The following NOS1AP variants were observed in gnomAD, a reference collection of about 807,000 sequenced individuals.
NOS1AP encodes carboxyl-terminal PDZ ligand of neuronal nitric oxide synthase protein.
NOS1AP carries 21 observed loss-of-function variants against 56.2 expected under a neutral mutation model. That is an observed-to-expected ratio of 0.37 (90% confidence interval 0.26 to 0.54). The LOEUF (loss-of-function observed/expected upper bound fraction) is 0.54. Ranked by LOEUF, NOS1AP falls within the 20% of genes least tolerant of loss-of-function variation. The pLI is 0.84. For synonymous variants in NOS1AP, 270 were observed against 274.6 expected, an observed-to-expected ratio of 0.98 and a Z score of 0.17; for missense variants, 522 against 657.8, an observed-to-expected ratio of 0.79 and a Z score of 2.26.
intron 1 of NOS1AP, among the ~76,000 whole-genome samples, chr1:162,121,177 GT>G (rs1162624107): frequency 4.6e-5 from 4 of 86,494 alleles, no homozygotes; most frequent in Admixed American, 1.2e-4. Context: ...TTTGTTTTTT[GT>G]TTTTTTTTTG....
At chr1:162,220,344 G>C (rs1351358632) in intron 2 of NOS1AP, among the ~76,000 whole-genome samples, 1 of 152,072 alleles carries the variant, frequency 6.6e-6, no homozygotes, top group East Asian at 1.9e-4. Context: ...TGTGTGCTAT[G>C]CGTGGGTCTC....
intron 2 of NOS1AP, among the ~76,000 whole-genome samples, chr1:162,228,116 T>C (rs1653001164): frequency 6.6e-6 from 1 of 152,092 alleles, no homozygotes; most frequent in Non-Finnish European, 1.5e-5. Flanking sequence ...AGATCATGAA[T>C]TGAAGAGCAG....
chr1:162,291,512 C>A (rs1655280699), intron 3 of NOS1AP, among the ~76,000 whole-genome samples: 1 of 151,912 alleles, frequency 6.6e-6, no homozygotes, highest in African/African-American at 2.4e-5. Flanking sequence ...AGGATGAGAT[C>A]CTTTCTCAAA....
At chr1:162,290,159 G>A (rs1038672633) in intron 3 of NOS1AP, among the ~76,000 whole-genome samples, 12 of 152,058 alleles carry the variant, frequency 7.9e-5, no homozygotes, top group South Asian at 6.2e-4. Flanking sequence ...TGGCTTCATC[G>A]TCCTGCTGGC....
chr1:162,113,551 G>A (rs12407513), intron 1 of NOS1AP, among the ~76,000 whole-genome samples: 77,547 of 152,004 alleles, frequency 0.51, 21,844 homozygotes, highest in Non-Finnish European at 0.64. Context: ...GCCTTCTGGG[G>A]AGGCTTCAGG....
chr1:162,146,179 AC>A (rs5778251), intron 1 of NOS1AP, among the ~76,000 whole-genome samples: 6,249 of 152,260 alleles, frequency 0.041, 229 homozygotes, highest in African/African-American at 0.091. Context: ...CTAGCTAGTC[AC>A]TGGGGCTTTT....
chr1:162,337,371 G>T (rs556673500), intron 5 of NOS1AP, among the ~76,000 whole-genome samples: 1 of 152,320 alleles, frequency 6.6e-6, no homozygotes, highest in South Asian at 2.1e-4. Flanking sequence ...TTTAGAGGTT[G>T]CAATGGATTT....
intron 1 of NOS1AP, among the ~76,000 whole-genome samples, chr1:162,144,667 A>G (rs181188317): frequency 6.6e-6 from 1 of 152,270 alleles, no homozygotes; most frequent in Admixed American, 6.5e-5. Flanking sequence ...GGCCCAGGGT[A>G]CAGCCCGGCC....
intron 2 of NOS1AP, among the ~76,000 whole-genome samples, chr1:162,234,454 T>G (rs1436983579): frequency 6.6e-6 from 1 of 152,160 alleles, no homozygotes; most frequent in Non-Finnish European, 1.5e-5. Flanking sequence ...ATTTTTCTCT[T>G]GGATGTCTCT....
intron 1 of NOS1AP, among the ~76,000 whole-genome samples, chr1:162,090,307 A>T (rs963606609): frequency 4.6e-5 from 7 of 151,256 alleles, no homozygotes; most frequent in African/African-American, 1.7e-4. Context: ...ATCTGATCTA[A>T]TTTTTCTTTT....
At chr1:162,292,281 G>A (rs970958932) in intron 3 of NOS1AP, among the ~76,000 whole-genome samples, 10 of 152,154 alleles carry the variant, frequency 6.6e-5, no homozygotes, top group Non-Finnish European at 8.8e-5. Context: ...TAGGGGGCAG[G>A]GACCATGTCT....
chr1:162,198,522 C>T (rs907178914), intron 2 of NOS1AP, among the ~76,000 whole-genome samples: 6 of 152,160 alleles, frequency 3.9e-5, no homozygotes, highest in Non-Finnish European at 8.8e-5. Context: ...CATCTGAAAA[C>T]GATGCAGGGT....
chr1:162,365,049 G>C (rs1036301214), intron 8 of NOS1AP: 39 of 1,170,590 alleles, frequency 3.3e-5, no homozygotes, highest in Non-Finnish European at 3.2e-5. Context: ...AGCAGGGATG[G>C]AGCACCGTGC....
intron 2 of NOS1AP, among the ~76,000 whole-genome samples, chr1:162,204,159 C>T (rs1423737644): frequency 6.6e-6 from 1 of 152,200 alleles, no homozygotes; most frequent in East Asian, 1.9e-4. Context: ...TTTACATAGC[C>T]CAAAAGGGCA....
chr1:162,130,726 C>A (rs2102062857), intron 1 of NOS1AP, among the ~76,000 whole-genome samples: 2 of 152,308 alleles, frequency 1.3e-5, no homozygotes, highest in South Asian at 4.1e-4. Context: ...GTCAGCCAGG[C>A]AGATGACACA....
intron 3 of NOS1AP, among the ~76,000 whole-genome samples, chr1:162,292,604 C>T (rs975055876): frequency 2.0e-5 from 3 of 152,172 alleles, no homozygotes; most frequent in Non-Finnish European, 4.4e-5. Flanking sequence ...CAAGCAGGTT[C>T]TTTCCACTGC....
intron 3 of NOS1AP, among the ~76,000 whole-genome samples, chr1:162,297,097 T>G (rs561666267): frequency 6.6e-6 from 1 of 152,326 alleles, no homozygotes; most frequent in Non-Finnish European, 1.5e-5. Context: ...ATTAGCACAG[T>G]TGGCTTCCTC....
intron 1 of NOS1AP, among the ~76,000 whole-genome samples, chr1:162,108,302 A>G (rs1647587928): frequency 6.6e-6 from 1 of 152,228 alleles, no homozygotes; most frequent in African/African-American, 2.4e-5. Context: ...ACCAACGTGA[A>G]GAGGTTCCTA....
chr1:162,272,275 G>GGTA (rs1654603400), intron 2 of NOS1AP, among the ~76,000 whole-genome samples: 1 of 152,156 alleles, frequency 6.6e-6, no homozygotes, highest in African/African-American at 2.4e-5. Context: ...GAATTCTAGA[G>GGTA]GTACACTAAC....
Sources: allele counts gnomAD v4.1 joint callset (sites outside exome capture counted in the v4.1 genomes callset), GRCh38; gene constraint gnomAD v4.1.1; transcripts MANE v1.5; gene names NCBI Gene and HGNC (gene_info 2026-07-23, HGNC 2026-07-21).